GCH1: variants seen among roughly 807,000 people sequenced by gnomAD.
GCH1 encodes the protein GTP cyclohydrolase I.
A neutral mutation model predicts 25.9 loss-of-function variants in GCH1; 5 were observed. That is an observed-to-expected ratio of 0.19 (90% CI 0.10 to 0.41). The LOEUF (loss-of-function observed/expected upper bound fraction) is 0.41. GCH1 is among the 10% of genes least tolerant of loss of function. GCH1 has a pLI of 1.00. For missense variants in GCH1, 261 were observed against 336.5 expected, an observed-to-expected ratio of 0.78 and a Z score of 1.75; for synonymous variants, 159 against 129.6, an observed-to-expected ratio of 1.23 and a Z score of -1.54.
intron 1 of GCH1, among the ~76,000 whole-genome samples, chr14:54,897,530 C>T (rs1255433588): frequency 2.0e-5 from 3 of 149,480 alleles, no homozygotes; most frequent in Non-Finnish European, 3.0e-5. Context: ...CTCAGGTGAT[C>T]CACCCGCCTC....
chr14:54,902,654 C>T lies in GCH1; in HGVS notation c.10G>A (p.Gly4Ser), dbSNP rs764013857. Residue 4 changes from glycine (G) to serine (S), a missense_variant, in exon 1 of 6, where the codon GGC becomes AGC. This residue lies in a region of GCH1 where 125 missense variants were observed against 128.7 expected (regional missense o/e 0.97). Coordinates refer to ENST00000491895, the MANE Select transcript of GCH1 (RefSeq NM_000161.3). ...TTCTCCGCCGGTGCCCGCACAGGGC[C>T]CTTCTCCATGGACCCGCCGCAGCCG... MEK[G>S]PVRAPAEKPR... is the part of the protein sequence containing the mutation. 6.8e-7 allele frequency: 1 copy of T among 1,474,178 alleles called. No homozygotes were observed. The highest frequency in any genetic ancestry group is 8.9e-7 in the Non-Finnish European group (1 of 1,117,352). 91.3% of individuals were successfully genotyped at this position (1,474,178 alleles called of 1,614,324 possible). A position where few individuals can be genotyped will look rare whatever the true frequency, so the allele number is the denominator to read the frequency against.
At chr14:54,885,331 T>C in intron 1 of GCH1, 1 of 249,354 alleles carries the variant, frequency 4.0e-6, no homozygotes, top group Non-Finnish European at 8.3e-6. Context: ...AGTGAACCAG[T>C]CAAGATCCAC....
chr14:54,871,583 G>A (rs965611204), intron 1 of GCH1, among the ~76,000 whole-genome samples: 1 of 152,102 alleles, frequency 6.6e-6, no homozygotes, highest in Non-Finnish European at 1.5e-5. Context: ...CCATGGCAAA[G>A]AAGTTAAAAA....
At chr14:54,890,551 G>C (rs2040410785) in intron 1 of GCH1, among the ~76,000 whole-genome samples, 3 of 152,188 alleles carry the variant, frequency 2.0e-5, no homozygotes, top group African/African-American at 7.2e-5. Context: ...AGCAACATGT[G>C]TCAGGTTAAA....
chr14:54,865,316 G>C lies in GCH1; in HGVS notation c.453+11C>G, dbSNP rs761527210. 1 of 1,253,442 alleles carries C rather than the reference G, an allele frequency of 8.0e-7. No individual in the cohort carries two copies. Among genetic ancestry groups the C allele is most frequent in the Non-Finnish European group, 1.2e-6 (1 of 852,106 alleles). The allele number at this position is 1,253,442 out of a possible 1,614,324, so 77.6% of individuals were successfully genotyped here. A position where few individuals can be genotyped will look rare whatever the true frequency, so the allele number is the denominator to read the frequency against. On this transcript the variant is annotated intron_variant, in intron 2 of 5. Transcript: ENST00000491895. ...TTTTAAATTGCTGGGAAACAACAAA[G>C]AGAACCTTACCTTTCCAACAAATGG...
chr14:54,902,721 G>T lies in GCH1; in HGVS notation c.-58C>A. The T allele has an allele frequency of 7.2e-7, 1 of 1,393,442 alleles. No individual in the cohort carries two copies. The highest frequency in any genetic ancestry group is 9.3e-7 in the Non-Finnish European group (1 of 1,079,448). 86.3% of individuals were successfully genotyped at this position (1,393,442 alleles called of 1,614,324 possible). On this transcript the variant is annotated 5_prime_UTR_variant, in exon 1 of 6. Transcript: ENST00000491895. ...ACCCCGGGGCGCTTCGAGGTCTGCG[G>T]CTAAACTCCGCCGGTGGCCGCGGAC...
chr14:54,894,546 G>A (rs1446176306), intron 1 of GCH1, among the ~76,000 whole-genome samples: 1 of 152,166 alleles, frequency 6.6e-6, no homozygotes, highest in Non-Finnish European at 1.5e-5. Context: ...AATCTAGTAC[G>A]AGTACCAACC....
intron 1 of GCH1, among the ~76,000 whole-genome samples, chr14:54,883,261 A>G (rs778932076): frequency 5.4e-5 from 8 of 148,000 alleles, no homozygotes; most frequent in Admixed American, 1.4e-4. Flanking sequence ...AATCCCAGCT[A>G]TTCGGTAGGC....
intron 1 of GCH1, among the ~76,000 whole-genome samples, chr14:54,888,809 C>T (rs2040388622): frequency 6.6e-6 from 1 of 152,028 alleles, no homozygotes; most frequent in Admixed American, 6.6e-5. Context: ...AGGCATGAGC[C>T]ACTGCACCCA....
rs899492456 is a variant in GCH1, at chr14:54,842,044, T to A, written c.*1973A>T. 1.3e-5 allele frequency: 2 copies of A among 152,206 alleles called. No individual in the cohort carries two copies. The highest frequency in any genetic ancestry group is 4.8e-5 in the African/African-American group (2 of 41,450). The allele number at this position is 152,206 out of a possible 1,614,324, so 9.4% of individuals were successfully genotyped here. On this transcript the variant is annotated 3_prime_UTR_variant, in exon 6 of 6. Coordinates refer to ENST00000491895, the MANE Select transcript of GCH1 (RefSeq NM_000161.3). ...AGTTACAATAGTTTAATAATTTAAA[T>A]AGGACCACCTTCAGGAACATACATA... is the stretch of plus-strand genomic sequence containing the variant.
In GCH1 at chr14:54,902,643, C is replaced by T; in HGVS notation, c.21G>A (p.Arg7=). Reference sequence around the variant, plus strand: ...CGCCCCGCGGCTTCTCCGCCGGTGCCCGCACAGGGCCCTTCTCCATGGACC... The same window carrying T: ...CGCCCCGCGGCTTCTCCGCCGGTGCTCGCACAGGGCCCTTCTCCATGGACC... MEKGPV[R]APAEKPRGAR... is the part of the protein sequence containing the mutation. The change falls in exon 1 of 6, where the codon CGG becomes CGA. Residue 7 remains arginine (R), a synonymous_variant. Transcript: ENST00000491895. 1 of 1,481,370 alleles carries T rather than the reference C, an allele frequency of 6.8e-7. No individual in the cohort carries two copies. Among genetic ancestry groups the T allele is most frequent in the Non-Finnish European group, 8.9e-7 (1 of 1,120,922 alleles). The allele number at this position is 1,481,370 out of a possible 1,614,324, so 91.8% of individuals were successfully genotyped here. A position where few individuals can be genotyped will look rare whatever the true frequency, so the allele number is the denominator to read the frequency against.
rs1295555834 is a variant in GCH1 at position 54,848,699 on chromosome 14, G to A, written c.510-1569C>T. Among the ~76,000 whole-genome samples, 3 of 152,018 alleles carry A rather than the reference G, an allele frequency of 2.0e-5. 1 individual carries two copies. Among genetic ancestry groups the A allele is most frequent in the African/African-American group, 7.2e-5 (3 of 41,410 alleles). ...AAGTCAGTAACAGGTCCGCCACCCC[G>A]TTTACCACTCAGCCCAGAGCTCCCT... On this transcript the variant is annotated intron_variant, in intron 3 of 5. Transcript: ENST00000491895.
chr14:54,854,528 AAAG>A (rs1026785766), intron 3 of GCH1, among the ~76,000 whole-genome samples: 5 of 152,248 alleles, frequency 3.3e-5, no homozygotes, highest in African/African-American at 7.2e-5. Context: ...ACCAAAAAAA[AAAG>A]AAGTTTGTGA....
rs1045634299 is a variant in GCH1, at chr14:54,849,049, C to T, written c.510-1919G>A. 7.2e-5 allele frequency among the ~76,000 whole-genome samples: 11 copies of T among 152,330 alleles called. No individual in the cohort carries two copies. The South Asian group carries it at 2.3e-3, about 32-fold the overall frequency. On this transcript the variant is annotated intron_variant, in intron 3 of 5. Transcript: ENST00000491895. Reference sequence around the variant, plus strand: ...GTGCCACATTGGACAATAGTGGTAACACTGGGCAACCATGTTTTGCTCCAC... The same window carrying T: ...GTGCCACATTGGACAATAGTGGTAATACTGGGCAACCATGTTTTGCTCCAC...
In GCH1 at chr14:54,865,396, C is replaced by T; in HGVS notation, c.384G>A (p.Glu128=). ...NDAIFDEDHD[E]MVIVKDIDMF... is the part of the protein sequence containing the mutation. The stretch of plus-strand genomic sequence containing the variant: ...TGTCTATGTCCTTCACAATCACCAT[C>T]TCATCATGATCTTCATCAAATATAG... The change falls in exon 2 of 6, where the codon GAG becomes GAA. Residue 128 remains glutamate, a synonymous_variant. Transcript: ENST00000491895. The T allele has an allele frequency of 6.3e-7, 1 of 1,593,658 alleles. No homozygotes were observed. The highest frequency in any genetic ancestry group is 8.6e-7 in the Non-Finnish European group (1 of 1,161,730).
intron 1 of GCH1, among the ~76,000 whole-genome samples, chr14:54,868,378 CT>C (rs1594992392): frequency 1.3e-5 from 2 of 152,030 alleles, no homozygotes; most frequent in Admixed American, 1.3e-4. Flanking sequence ...GATTGCACCA[CT>C]CCACTCCAAA....
intron 1 of GCH1, among the ~76,000 whole-genome samples, chr14:54,887,988 T>C (rs2040375255): frequency 6.6e-6 from 1 of 152,150 alleles, no homozygotes. Flanking sequence ...ATTAATAAAC[T>C]AAAACTTCAA....
At chr14:54,870,447 T>C (rs540879043) in intron 1 of GCH1, among the ~76,000 whole-genome samples, 1 of 152,016 alleles carries the variant, frequency 6.6e-6, no homozygotes, top group African/African-American at 2.4e-5. Flanking sequence ...GGGTGATTTC[T>C]GCATTTCTAA....
At chr14:54,844,940 G>A (rs1407098322) in intron 5 of GCH1, among the ~76,000 whole-genome samples, 1 of 152,220 alleles carries the variant, frequency 6.6e-6, no homozygotes, top group Non-Finnish European at 1.5e-5. Context: ...GGGAGGCTGA[G>A]GTGGGCAGAT....
Sources: gnomAD v4.1 joint callset for allele counts (sites outside exome capture counted in the v4.1 genomes callset) on GRCh38, gnomAD v4.1.1 for gene constraint, gnomAD v4.1.1 regional missense constraint, MANE v1.5 for transcripts, NCBI Gene and HGNC (gene_info 2026-07-23, HGNC 2026-07-21) for gene names.